STXBP5L: variants seen among roughly 807,000 people sequenced by gnomAD.
STXBP5L encodes syntaxin binding protein 5L, also known as syntaxin-binding protein 5-like.
STXBP5L carries 65 observed loss-of-function variants against 144.5 expected under a neutral mutation model. The observed-to-expected ratio is 0.45, with a 90% CI of 0.37 to 0.55. The LOEUF (loss-of-function observed/expected upper bound fraction) is 0.55. STXBP5L is among the 20% of genes least tolerant of loss of function. The pLI, the probability that STXBP5L is intolerant of heterozygous loss-of-function variation, is 0.00. For missense variants in STXBP5L, 1,298 were observed against 1,405.5 expected (o/e 0.92, Z 1.22); for synonymous variants, 505 against 469.6 (o/e 1.08, Z -0.97).
chr3:121,228,168 T>G (rs2108302494), intron 11 of STXBP5L, among the ~76,000 whole-genome samples: 2 of 152,292 alleles, frequency 1.3e-5, no homozygotes, highest in East Asian at 3.9e-4. Context: ...ATACAGAAAG[T>G]TACATGGATG....
Position 120,925,292 on chromosome 3 carries a change from C to A in STXBP5L, c.189+15525C>A, listed in dbSNP as rs1183058436. ...CCTACTATTATTGTATTGCAGTATA[C>A]CTCTCTTTCTAGATTTATTAATGTT... On this transcript the variant is annotated intron_variant, in intron 2 of 26. Coordinates refer to ENST00000471454, the MANE Select transcript of STXBP5L (RefSeq NM_001308330.2). 3.9e-5 allele frequency: 6 copies of A among 152,086 alleles called. No individual in the cohort carries two copies. The East Asian group carries it at 9.6e-4, about 24-fold the overall frequency. The allele number at this position is 152,086 out of a possible 1,614,324, so 9.4% of individuals were successfully genotyped here. A position where few individuals can be genotyped will look rare whatever the true frequency, so the allele number is the denominator to read the frequency against.
chr3:121,013,798 AT>A (rs1157291128), intron 3 of STXBP5L, among the ~76,000 whole-genome samples: 1 of 151,968 alleles, frequency 6.6e-6, no homozygotes, highest in Non-Finnish European at 1.5e-5. Flanking sequence ...TCTTTAATCC[AT>A]TTTAAGTTAA....
intron 5 of STXBP5L, among the ~76,000 whole-genome samples, chr3:121,056,267 A>G (rs1334078337): frequency 6.6e-6 from 1 of 152,228 alleles, no homozygotes; most frequent in African/African-American, 2.4e-5. Flanking sequence ...AGTCCTTGCT[A>G]TCACAATCAT....
chr3:121,371,841 G>A (rs73183167), intron 20 of STXBP5L, among the ~76,000 whole-genome samples: 5,422 of 152,342 alleles, frequency 0.036, 147 homozygotes, highest in Middle Eastern at 0.082. Flanking sequence ...GGCACAGGCA[G>A]GGCAGGGCCA....
intron 19 of STXBP5L, among the ~76,000 whole-genome samples, chr3:121,313,917 C>A (rs2043670994): frequency 6.8e-6 from 1 of 147,564 alleles, no homozygotes; most frequent in Non-Finnish European, 1.5e-5. Context: ...ACCTCCCAGA[C>A]AGGGTTGCGG....
At chr3:121,274,035 T>G (rs948833299) in intron 18 of STXBP5L, among the ~76,000 whole-genome samples, 2 of 152,220 alleles carry the variant, frequency 1.3e-5, no homozygotes, top group African/African-American at 2.4e-5. Context: ...GAAAAATAAT[T>G]ATTTTGAATC....
intron 20 of STXBP5L, among the ~76,000 whole-genome samples, chr3:121,362,445 C>G (rs1465119788): frequency 6.6e-6 from 1 of 152,196 alleles, no homozygotes; most frequent in African/African-American, 2.4e-5. Flanking sequence ...ACTCAAAACA[C>G]AAGACAGAGT....
intron 6 of STXBP5L, 96 bp downstream of exon 6, chr3:121,115,155 C>T: frequency 1.7e-6 from 2 of 1,185,188 alleles, no homozygotes; most frequent in Non-Finnish European, 1.2e-6. Context: ...ACGTCTATTA[C>T]TAATTTATAA....
chr3:121,006,100 G>T (rs907770414), intron 3 of STXBP5L, among the ~76,000 whole-genome samples: 1 of 151,922 alleles, frequency 6.6e-6, no homozygotes, highest in African/African-American at 2.4e-5. Flanking sequence ...CAATTCCTGG[G>T]TATCCTTGTT....
At chr3:121,109,864 A>G (rs1474667438) in intron 5 of STXBP5L, among the ~76,000 whole-genome samples, 2 of 152,162 alleles carry the variant, frequency 1.3e-5, no homozygotes, top group South Asian at 2.1e-4. Flanking sequence ...GTAGGTTTCT[A>G]AGAACTTGTT....
chr3:120,967,523 A>G (rs563369526), intron 3 of STXBP5L, among the ~76,000 whole-genome samples: 2 of 152,162 alleles, frequency 1.3e-5, no homozygotes, highest in Admixed American at 1.3e-4. Context: ...ACTCTAGCTA[A>G]AGGTTTTCAA....
At chr3:121,258,838 G>T (rs1405384767) in intron 17 of STXBP5L, among the ~76,000 whole-genome samples, 1 of 152,070 alleles carries the variant, frequency 6.6e-6, no homozygotes, top group African/African-American at 2.4e-5. Flanking sequence ...GACCTAACTG[G>T]CTGAAAAGCC....
chr3:121,076,034 G>C (rs949193659), intron 5 of STXBP5L, among the ~76,000 whole-genome samples: 1 of 152,242 alleles, frequency 6.6e-6, no homozygotes, highest in Non-Finnish European at 1.5e-5. Flanking sequence ...GTATAGGAGG[G>C]AGTATGTTGT....
At chr3:121,225,029 C>T (rs1274948813) in intron 11 of STXBP5L, among the ~76,000 whole-genome samples, 11 of 152,042 alleles carry the variant, frequency 7.2e-5, no homozygotes, top group Admixed American at 7.2e-4. Flanking sequence ...ACTTTCAAGC[C>T]ATATATAAAA....
At chr3:120,988,367 C>T (rs765298089) in intron 3 of STXBP5L, among the ~76,000 whole-genome samples, 5 of 151,790 alleles carry the variant, frequency 3.3e-5, no homozygotes, top group Admixed American at 6.6e-5. Context: ...ATCATGAGCT[C>T]CTTAGAAGTG....
chr3:121,357,561 A>T (rs1440528655), intron 20 of STXBP5L: 3 of 152,332 alleles, frequency 2.0e-5, no homozygotes, highest in Admixed American at 6.5e-5. Flanking sequence ...CCCAGGTTCA[A>T]TTTGTCTATG....
chr3:121,341,542 G>C (rs1553771144), intron 20 of STXBP5L, among the ~76,000 whole-genome samples: 1 of 152,070 alleles, frequency 6.6e-6, no homozygotes, highest in Non-Finnish European at 1.5e-5. Flanking sequence ...AAGGAAATTT[G>C]TATATGGAAG....
intron 10 of STXBP5L, among the ~76,000 whole-genome samples, chr3:121,219,476 G>A (rs1473473695): frequency 1.3e-5 from 2 of 152,138 alleles, no homozygotes; most frequent in Non-Finnish European, 2.9e-5. Context: ...GCCAATCGCA[G>A]ACTTGCTTTA....
intron 5 of STXBP5L, among the ~76,000 whole-genome samples, chr3:121,092,247 A>G (rs1333192334): frequency 2.0e-5 from 3 of 151,962 alleles, no homozygotes; most frequent in South Asian, 4.2e-4. Flanking sequence ...CTGACTTGGC[A>G]ATGCGGGCTC....
Sources: allele counts gnomAD v4.1 joint callset (sites outside exome capture counted in the v4.1 genomes callset), GRCh38; gene constraint gnomAD v4.1.1; transcripts MANE v1.5; gene names NCBI Gene and HGNC (gene_info 2026-07-23, HGNC 2026-07-21).